Variants in STIM1 observed in about 807,000 individuals in gnomAD.
STIM1 encodes the protein stromal interaction molecule 1.
A neutral mutation model predicts 74.7 loss-of-function variants in STIM1; 25 were observed. The ratio of observed to expected loss-of-function variants is 0.33; its 90% CI spans 0.24 to 0.47. STIM1 has a LOEUF of 0.47. Among genes scored for constraint, STIM1 ranks in the 20% least tolerant of loss-of-function variants. STIM1 has a pLI of 1.00. For missense variants in STIM1, 728 were observed against 920.8 expected, an observed-to-expected ratio of 0.79 and a Z score of 2.71; for synonymous variants, 328 against 348.8, an observed-to-expected ratio of 0.94 and a Z score of 0.66.
chr11:3,860,858 A>G (rs913941544), intron 1 of STIM1, among the ~76,000 whole-genome samples: 1 of 152,224 alleles, frequency 6.6e-6, no homozygotes, highest in Non-Finnish European at 1.5e-5. Context: ...AGGGCTACTG[A>G]AGAAGTCTAC....
At chr11:3,877,866 G>C (rs925123149) in intron 1 of STIM1, among the ~76,000 whole-genome samples, 1 of 152,176 alleles carries the variant, frequency 6.6e-6, no homozygotes, top group Non-Finnish European at 1.5e-5. Context: ...GGGAATACCA[G>C]TCTCCTCTCT....
chr11:3,859,588 C>T (rs2090519433), intron 1 of STIM1, among the ~76,000 whole-genome samples: 1 of 152,204 alleles, frequency 6.6e-6, no homozygotes, highest in African/African-American at 2.4e-5. Context: ...AGGACAGGGC[C>T]TTGGAGGATA....
intron 2 of STIM1, among the ~76,000 whole-genome samples, chr11:4,002,603 T>C (rs1470170242): frequency 0.012 from 1,792 of 147,904 alleles, 26 homozygotes; most frequent in African/African-American, 0.043. Flanking sequence ...TAGAGGGAAA[T>C]TTATAGCACT....
At chr11:4,049,573 C>T (rs1475717288) in intron 3 of STIM1, 3 of 152,094 alleles carry the variant, frequency 2.0e-5, no homozygotes, top group Admixed American at 1.3e-4. Context: ...AAGTGATCCT[C>T]CTGCCTCAGT....
chr11:4,051,531 C>T (rs190138127), intron 3 of STIM1, among the ~76,000 whole-genome samples: 66 of 151,634 alleles, frequency 4.4e-4, no homozygotes, highest in Admixed American at 2.7e-3. Context: ...TTAATAGAGA[C>T]GAGGTTTCAC....
chr11:3,859,131 G>A (rs1471911798), intron 1 of STIM1, among the ~76,000 whole-genome samples: 2 of 152,184 alleles, frequency 1.3e-5, no homozygotes, highest in African/African-American at 4.8e-5. Flanking sequence ...TCTTTTGGAT[G>A]TATATACCCA....
chr11:4,059,207 AGGCG>A, intron 4 of STIM1, 70 bp from the exon 5 acceptor site: 1 of 1,249,492 alleles, frequency 8.0e-7, no homozygotes, highest in East Asian at 2.3e-5. Flanking sequence ...TTCCTGGGGG[AGGCG>A]GGTAATCCTA....
intron 1 of STIM1, among the ~76,000 whole-genome samples, chr11:3,953,497 A>T (rs541306033): frequency 6.6e-6 from 1 of 152,324 alleles, no homozygotes; most frequent in East Asian, 1.9e-4. Context: ...GCTGATCCAG[A>T]TCACCCAACT....
chr11:3,954,395 A>G (rs2093186331), intron 1 of STIM1, among the ~76,000 whole-genome samples: 1 of 152,178 alleles, frequency 6.6e-6, no homozygotes, highest in Non-Finnish European at 1.5e-5. Flanking sequence ...CCGTTGTCCT[A>G]GGGACTAAGC....
chr11:4,062,544 C>T (rs2094338381), intron 5 of STIM1, among the ~76,000 whole-genome samples: 1 of 152,172 alleles, frequency 6.6e-6, no homozygotes, highest in African/African-American at 2.4e-5. Flanking sequence ...ATTGCTGAAA[C>T]CTGGGAGGCA....
intron 2 of STIM1, among the ~76,000 whole-genome samples, chr11:4,012,500 T>C (rs2093847653): frequency 6.6e-6 from 1 of 152,144 alleles, no homozygotes; most frequent in East Asian, 1.9e-4. Context: ...TGAATGGGAG[T>C]TCACTCATGA....
intron 1 of STIM1, among the ~76,000 whole-genome samples, chr11:3,955,433 T>A (rs1017508895): frequency 6.6e-6 from 1 of 152,104 alleles, no homozygotes; most frequent in African/African-American, 2.4e-5. Flanking sequence ...GTAAAACTCG[T>A]CTATGATGAT....
chr11:4,064,244 G>A (rs1056298649), intron 5 of STIM1, among the ~76,000 whole-genome samples: 40 of 152,178 alleles, frequency 2.6e-4, no homozygotes, highest in African/African-American at 9.7e-4. Flanking sequence ...ATACTAAGGA[G>A]CTCTTTGCCA....
At chr11:3,969,590 G>A (rs2093372274) in intron 2 of STIM1, among the ~76,000 whole-genome samples, 1 of 152,182 alleles carries the variant, frequency 6.6e-6, no homozygotes, top group African/African-American at 2.4e-5. Flanking sequence ...TAAAGGAAGA[G>A]AAAAAATAGA....
At position 4,092,183 on chromosome 11, in the gene STIM1, A is replaced by C; in HGVS notation, c.*385A>C. The stretch of plus-strand genomic sequence containing the variant: ...TGCTTTCGGGCTCCTCCCTCCCACC[A>C]CTCCCCAACTTCCCCTAGCAGTTGC... On this transcript the variant is annotated 3_prime_UTR_variant, in exon 13 of 13. Coordinates refer to ENST00000526596, the MANE Select transcript of STIM1 (RefSeq NM_001382567.1). 10 of 308,694 alleles carry C rather than the reference A, an allele frequency of 3.2e-5. No homozygotes were observed. The highest frequency in any genetic ancestry group is 9.7e-5 in the South Asian group (3 of 30,832). 19.1% of individuals were successfully genotyped at this position (308,694 alleles called of 1,614,324 possible).
At chr11:3,966,682 T>C (rs1243376027) in intron 1 of STIM1, among the ~76,000 whole-genome samples, 1 of 152,220 alleles carries the variant, frequency 6.6e-6, no homozygotes, top group Non-Finnish European at 1.5e-5. Context: ...AATACCTTTT[T>C]CAAATAGTGA....
chr11:3,871,922 T>G (rs1460533917), intron 1 of STIM1, among the ~76,000 whole-genome samples: 1 of 152,230 alleles, frequency 6.6e-6, no homozygotes, highest in Non-Finnish European at 1.5e-5. Flanking sequence ...TTTGAGTAAT[T>G]TATCATTACT....
At chr11:4,052,229 A>T (rs1265121713) in intron 3 of STIM1, among the ~76,000 whole-genome samples, 2 of 152,172 alleles carry the variant, frequency 1.3e-5, no homozygotes, top group South Asian at 4.1e-4. Flanking sequence ...CTACCAATGA[A>T]TTTTTTCACA....
chr11:4,023,709 A>G (rs1031584236), intron 2 of STIM1, among the ~76,000 whole-genome samples, 164 bp from the exon 3 acceptor site: 1 of 152,252 alleles, frequency 6.6e-6, no homozygotes, highest in Admixed American at 6.5e-5. Context: ...TTTAGTTGGC[A>G]ACTAAGACAT....
Sources: allele counts gnomAD v4.1 joint callset (sites outside exome capture counted in the v4.1 genomes callset), GRCh38; gene constraint gnomAD v4.1.1; transcripts MANE v1.5; gene names NCBI Gene and HGNC (gene_info 2026-07-23, HGNC 2026-07-21).